Variants in CALY observed in about 807,000 individuals in gnomAD.
CALY encodes neuron-specific vesicular protein calcyon.
Under a neutral mutation model 20.2 loss-of-function variants are expected in CALY, and 15 were observed. The observed-to-expected ratio is 0.74, with a 90% CI of 0.50 to 1.14. The LOEUF is 1.14. CALY is among the 50% of genes most tolerant of loss of function. The pLI, the probability that CALY is intolerant of heterozygous loss-of-function variation, is 0.00. For missense variants in CALY, 270 were observed against 304.4 expected (o/e 0.89, Z 0.84); for synonymous variants, 129 against 131.8 (o/e 0.98, Z 0.15).
In CALY at chr10:133,324,826, C is replaced by G. The variant is rs1330243117; in HGVS notation, c.*769G>C. On this transcript the variant is annotated 3_prime_UTR_variant, in exon 6 of 6. Transcript: ENST00000252939. ...GAGACTCATGGCAGCTCCAGGCTCC[C>G]CTGGCGTTTCAGCCTCACCATCTTT... 6.8e-6 allele frequency: 2 copies of G among 294,576 alleles called. No homozygotes were observed. The highest frequency in any genetic ancestry group is 1.3e-5 in the Non-Finnish European group (2 of 150,398). The allele number at this position is 294,576 out of a possible 1,614,324, so 18.2% of individuals were successfully genotyped here. A position where few individuals can be genotyped will look rare whatever the true frequency, so the allele number is the denominator to read the frequency against.
In CALY at chr10:133,325,929, C is replaced by G; in HGVS notation, c.552G>C (p.Ala184=). 1 of 1,317,062 alleles carries G rather than the reference C, an allele frequency of 7.6e-7. No individual in the cohort carries two copies. The highest frequency in any genetic ancestry group is 9.7e-7 in the Non-Finnish European group (1 of 1,028,304). 81.6% of individuals were successfully genotyped at this position (1,317,062 alleles called of 1,614,324 possible). The stretch of plus-strand genomic sequence containing the variant: ...CGGGGGGTTCGGTGGCCGCCGCCGC[C>G]GCCCCAGCCTGGGTGGGCCCCTTGC... ...EERKGPTQAG[A]AAAATEPPGK... Residue 184 remains alanine (A), a synonymous_variant, in exon 5 of 6, where the codon GCG becomes GCC. Coordinates refer to ENST00000252939, the MANE Select transcript of CALY (RefSeq NM_015722.4).
rs377750906 is a variant in CALY at position 133,326,880 on chromosome 10, G to C, written c.358C>G (p.Arg120Gly). The stretch of plus-strand genomic sequence containing the variant: ...CACCAGAGCCCTGGCCCCCTTACCC[G>C]CAGCAGGAAGCCGTCGGGGCAGGTG... ...QFTCPDGFLLRHKICTPLTLE... is the reference protein window; with the variant it reads ...QFTCPDGFLLGHKICTPLTLE... The change falls in exon 4 of 6, where the codon CGG becomes GGG. Residue 120 changes from arginine (R) to glycine (G), a missense_variant and splice_region_variant. Arg to Gly is a moderately radical substitution (Grantham distance 125). Transcript: ENST00000252939. The C allele has an allele frequency of 6.2e-7, 1 of 1,601,696 alleles. No homozygotes were observed. The highest frequency in any genetic ancestry group is 8.5e-7 in the Non-Finnish European group (1 of 1,174,594).
chr10:133,331,998 A>G (rs1167212717), intron 1 of CALY, among the ~76,000 whole-genome samples: 6 of 152,130 alleles, frequency 3.9e-5, no homozygotes, highest in Admixed American at 2.0e-4. Flanking sequence ...ATGGTGGTAC[A>G]CGCCTATAAT....
intron 1 of CALY, among the ~76,000 whole-genome samples, chr10:133,330,031 C>T (rs991614295): frequency 6.6e-5 from 10 of 152,242 alleles, no homozygotes; most frequent in African/African-American, 2.4e-5. Flanking sequence ...AGGGCGGGCC[C>T]CACTAACCCA....
Position 133,325,802 on chromosome 10 carries a change from G to C in CALY, c.*25C>G, listed in dbSNP as rs561109238. 3.1e-4 allele frequency: 368 copies of C among 1,182,890 alleles called. 1 individual carries two copies. In the African/African-American group the frequency reaches 5.4e-3, roughly 17 times the overall value. 73.3% of individuals were successfully genotyped at this position (1,182,890 alleles called of 1,614,324 possible). A position where few individuals can be genotyped will look rare whatever the true frequency, so the allele number is the denominator to read the frequency against. ...GAGCCCCGCGGCGCGCACCTACCCC[G>C]GGCCGGGCTGCGGGGCTGGAGACGT... On this transcript the variant is annotated 3_prime_UTR_variant, in exon 5 of 6. Coordinates refer to ENST00000252939, the MANE Select transcript of CALY (RefSeq NM_015722.4).
At chr10:133,335,706 G>A (rs563024440) in intron 1 of CALY, among the ~76,000 whole-genome samples, 2 of 152,274 alleles carry the variant, frequency 1.3e-5, no homozygotes, top group African/African-American at 4.8e-5. Context: ...CGCGGCTCGT[G>A]GAACTGGGGG....
chr10:133,324,101 C>G lies in CALY; in HGVS notation c.*1494G>C. ...GGGGAAAGCTGTATTTTAATTCAAA[C>G]ATCGGCCATGCAGAGACTCCCTGCC... On this transcript the variant is annotated 3_prime_UTR_variant, in exon 6 of 6. Transcript: ENST00000252939. 1 of 183,480 alleles carries G rather than the reference C, an allele frequency of 5.5e-6. No individual in the cohort carries two copies. Among genetic ancestry groups the G allele is most frequent in the Non-Finnish European group, 1.2e-5 (1 of 84,776 alleles). The allele number at this position is 183,480 out of a possible 1,614,324, so 11.4% of individuals were successfully genotyped here.
chr10:133,333,300 G>C (rs1589855432), intron 1 of CALY, among the ~76,000 whole-genome samples: 1 of 104,032 alleles, frequency 9.6e-6, no homozygotes, highest in East Asian at 4.1e-4. Flanking sequence ...GGTGGGGGGG[G>C]GGGAAGGATC....
In CALY at chr10:133,325,825, C is replaced by A. The variant is rs1848193908; in HGVS notation, c.*2G>T. On this transcript the variant is annotated 3_prime_UTR_variant, in exon 5 of 6. Coordinates refer to ENST00000252939, the MANE Select transcript of CALY (RefSeq NM_015722.4). ...CCGGGCCGGGCTGCGGGGCTGGAGACGTCACTGCGCGGGCGGGGGCGCCGC... is the reference window on the plus strand; with the variant it reads ...CCGGGCCGGGCTGCGGGGCTGGAGAAGTCACTGCGCGGGCGGGGGCGCCGC... The A allele has an allele frequency of 8.2e-7, 1 of 1,216,336 alleles. No individual in the cohort carries two copies. The highest frequency in any genetic ancestry group is 3.4e-5 in the East Asian group (1 of 29,462). The allele number at this position is 1,216,336 out of a possible 1,614,324, so 75.3% of individuals were successfully genotyped here. A position where few individuals can be genotyped will look rare whatever the true frequency, so the allele number is the denominator to read the frequency against.
intron 2 of CALY, 65 bp from the exon 3 acceptor site, chr10:133,328,080 G>A: frequency 1.0e-6 from 1 of 954,156 alleles, no homozygotes. Flanking sequence ...GCCCTGAACT[G>A]AGAGGGGAGG....
At chr10:133,336,324 A>C (rs1250577794) in intron 1 of CALY, among the ~76,000 whole-genome samples, 2 of 151,944 alleles carry the variant, frequency 1.3e-5, no homozygotes, top group African/African-American at 4.8e-5. Context: ...CCTCCTGGCC[A>C]CCTCTTGCCT....
intron 1 of CALY, among the ~76,000 whole-genome samples, chr10:133,335,628 C>T (rs954363833): frequency 3.3e-5 from 5 of 152,228 alleles, no homozygotes; most frequent in Non-Finnish European, 5.9e-5. Flanking sequence ...GGTCCAACCC[C>T]CCCACCCCAC....
chr10:133,327,045 G>A, intron 3 of CALY, 54 bp from the exon 4 acceptor site: 2 of 1,256,784 alleles, frequency 1.6e-6, no homozygotes, highest in Middle Eastern at 3.9e-4. Context: ...CGGTCTTTGT[G>A]GGGAGCTCCT....
In CALY at chr10:133,327,513, T is replaced by C. The variant is rs114897213; in HGVS notation, c.246+392A>G. ...ATGACTAAAGCTATCATTAGTAACATTGACAGATTTAAACAAGAGGATGAG... is the reference window on the plus strand; with the variant it reads ...ATGACTAAAGCTATCATTAGTAACACTGACAGATTTAAACAAGAGGATGAG... On this transcript the variant is annotated intron_variant, in intron 3 of 5. Transcript: ENST00000252939. The C allele has an allele frequency of 8.3e-4, 476 of 571,620 alleles. 2 individuals carry two copies. The highest frequency in any genetic ancestry group is 7.5e-3 in the African/African-American group (401 of 53,518). 35.4% of individuals were successfully genotyped at this position (571,620 alleles called of 1,614,324 possible). A position where few individuals can be genotyped will look rare whatever the true frequency, so the allele number is the denominator to read the frequency against.
At chr10:133,334,905 C>T (rs896769950) in intron 1 of CALY, among the ~76,000 whole-genome samples, 1 of 152,128 alleles carries the variant, frequency 6.6e-6, no homozygotes, top group Non-Finnish European at 1.5e-5. Flanking sequence ...GTGCGGTGTC[C>T]CCCAGACCAC....
rs59986083 is a variant in CALY, at chr10:133,330,350, CAAAAAAAAA to C, written c.-20-1350_-20-1342del. ...CCTAGGTGACAGAACGAAACTCTGC[CAAAAAAAAA>C]AAAAAAAAAAAAAAAAGGCAGGGCG... On this transcript the variant is annotated intron_variant, in intron 1 of 5. Coordinates refer to ENST00000252939, the MANE Select transcript of CALY (RefSeq NM_015722.4). 1.1e-3 allele frequency among the ~76,000 whole-genome samples: 41 copies of C among 36,790 alleles called. No homozygotes were observed. The South Asian group carries it at 0.013, about 12-fold the overall frequency. 24.1% of individuals were successfully genotyped at this position (36,790 alleles called of 152,430 possible). A position where few individuals can be genotyped will look rare whatever the true frequency, so the allele number is the denominator to read the frequency against.
At chr10:133,336,153 G>A (rs959007625) in intron 1 of CALY, among the ~76,000 whole-genome samples, 8 of 152,152 alleles carry the variant, frequency 5.3e-5, no homozygotes, top group East Asian at 1.9e-4. Context: ...GCGCTGCAGG[G>A]GGCTGTGGCT....
chr10:133,333,647 G>A (rs930615902), intron 1 of CALY, among the ~76,000 whole-genome samples: 2 of 151,304 alleles, frequency 1.3e-5, no homozygotes, highest in African/African-American at 2.4e-5. Context: ...ATCTGAGAGT[G>A]GAAGGCTCTG....
rs1387821104 is a variant in CALY, at chr10:133,324,600, G to A, written c.*995C>T. On this transcript the variant is annotated 3_prime_UTR_variant, in exon 6 of 6. Coordinates refer to ENST00000252939, the MANE Select transcript of CALY (RefSeq NM_015722.4). ...GGGGCTGCAGAGCTGCTGCTGGCTG[G>A]GGTGGGCGGGGCTGCAGAGCTGCTG... 1 of 325,362 alleles carries A rather than the reference G, an allele frequency of 3.1e-6. No individual in the cohort carries two copies. The highest frequency in any genetic ancestry group is 2.4e-5 in the African/African-American group (1 of 42,172). 20.2% of individuals were successfully genotyped at this position (325,362 alleles called of 1,614,324 possible).
Sources: gnomAD v4.1 joint callset for allele counts (sites outside exome capture counted in the v4.1 genomes callset) on GRCh38, gnomAD v4.1.1 for gene constraint, MANE v1.5 for transcripts, NCBI Gene and HGNC (gene_info 2026-07-23, HGNC 2026-07-21) for gene names.